Variants in CHST11 observed in about 807,000 individuals in gnomAD.
CHST11 encodes carbohydrate sulfotransferase 11, also known as C4S-1.
Under a neutral mutation model 30.4 loss-of-function variants are expected in CHST11, and 9 were observed. The ratio of observed to expected loss-of-function variants is 0.30; its 90% CI spans 0.18 to 0.52. CHST11 has a LOEUF of 0.52. CHST11 is among the 20% of genes least tolerant of loss of function. The probability of loss-of-function intolerance (pLI) is 0.97; values close to 1 mark genes in which losing one functional copy is unlikely to be tolerated. For missense variants in CHST11, 348 were observed against 460.6 expected (o/e 0.76, Z 2.24); for synonymous variants, 152 against 187.8 (o/e 0.81, Z 1.56).
chr12:104,522,279 C>T (rs1450416818), intron 1 of CHST11, among the ~76,000 whole-genome samples: 1 of 152,216 alleles, frequency 6.6e-6, no homozygotes. Context: ...CAGTATATCT[C>T]ACTGAGCCGT....
At chr12:104,514,251 G>A in intron 1 of CHST11, 1 of 864,368 alleles carries the variant, frequency 1.2e-6, no homozygotes, top group Non-Finnish European at 2.0e-6. Context: ...TGTTGGGGCA[G>A]CCACAGTTGG....
intron 1 of CHST11, among the ~76,000 whole-genome samples, chr12:104,516,515 G>A (rs970785329): frequency 4.6e-5 from 7 of 151,908 alleles, no homozygotes; most frequent in African/African-American, 1.5e-4. Context: ...CCACTTTTAG[G>A]CGTGGTTGGA....
chr12:104,556,709 G>A (rs2038459177), intron 1 of CHST11, among the ~76,000 whole-genome samples: 3 of 152,146 alleles, frequency 2.0e-5, no homozygotes, highest in South Asian at 2.1e-4. Flanking sequence ...GGCTGGGTGC[G>A]GTGGCTCACG....
At chr12:104,632,183 G>A (rs1226761114) in intron 2 of CHST11, among the ~76,000 whole-genome samples, 1 of 151,986 alleles carries the variant, frequency 6.6e-6, no homozygotes, top group Admixed American at 6.6e-5. Context: ...CCAGGGTTCC[G>A]TCTTCTGCCC....
intron 1 of CHST11, among the ~76,000 whole-genome samples, chr12:104,598,435 A>C (rs1566001882): frequency 6.6e-6 from 1 of 152,122 alleles, no homozygotes; most frequent in Non-Finnish European, 1.5e-5. Flanking sequence ...GGTTGTGTGG[A>C]AATTGTTTAT....
intron 1 of CHST11, among the ~76,000 whole-genome samples, chr12:104,529,538 G>A (rs1482201894): frequency 6.6e-6 from 1 of 152,176 alleles, no homozygotes; most frequent in Non-Finnish European, 1.5e-5. Flanking sequence ...CGTGATACAT[G>A]GTCAGGGTAG....
chr12:104,515,819 G>T (rs1037530676), intron 1 of CHST11, among the ~76,000 whole-genome samples: 4 of 152,320 alleles, frequency 2.6e-5, no homozygotes, highest in Admixed American at 6.5e-5. Flanking sequence ...TGGGGCTGGG[G>T]CAGCGGGGAG....
chr12:104,559,658 G>A (rs535819410), intron 1 of CHST11, among the ~76,000 whole-genome samples: 15 of 152,158 alleles, frequency 9.9e-5, no homozygotes, highest in African/African-American at 3.4e-4. Flanking sequence ...TGGGAGAATC[G>A]CTTGAACCTG....
At chr12:104,716,379 C>T (rs1282945789) in intron 2 of CHST11, among the ~76,000 whole-genome samples, 1 of 152,264 alleles carries the variant, frequency 6.6e-6, no homozygotes, top group African/African-American at 2.4e-5. Flanking sequence ...CTCATGCAAA[C>T]ACTCTATGCC....
intron 2 of CHST11, among the ~76,000 whole-genome samples, chr12:104,717,664 TC>T (rs1261654066): frequency 3.3e-5 from 5 of 152,028 alleles, no homozygotes; most frequent in African/African-American, 1.2e-4. Flanking sequence ...CCAGCTACTC[TC>T]GAGTCTGAGG....
intron 2 of CHST11, among the ~76,000 whole-genome samples, chr12:104,697,009 G>A (rs1299004402): frequency 6.6e-6 from 1 of 152,074 alleles, no homozygotes; most frequent in Non-Finnish European, 1.5e-5. Flanking sequence ...TTCTATTTAT[G>A]TATCTACCTA....
chr12:104,554,174 G>T (rs993286581), intron 1 of CHST11, among the ~76,000 whole-genome samples: 1 of 152,180 alleles, frequency 6.6e-6, no homozygotes, highest in African/African-American at 2.4e-5. Flanking sequence ...TTAGAAGCAA[G>T]TTAGGCTAGC....
At chr12:104,619,905 T>G (rs2039144740) in intron 2 of CHST11, among the ~76,000 whole-genome samples, 1 of 152,228 alleles carries the variant, frequency 6.6e-6, no homozygotes, top group Non-Finnish European at 1.5e-5. Flanking sequence ...GAGGAACTTG[T>G]AATCTTTGCG....
At chr12:104,709,449 C>T (rs2040065720) in intron 2 of CHST11, among the ~76,000 whole-genome samples, 2 of 152,178 alleles carry the variant, frequency 1.3e-5, no homozygotes. Flanking sequence ...ATAGTGATGC[C>T]CACCATTGCA....
intron 2 of CHST11, among the ~76,000 whole-genome samples, chr12:104,743,522 G>A (rs763511207): frequency 5.3e-5 from 8 of 152,126 alleles, no homozygotes; most frequent in South Asian, 2.1e-4. Context: ...GGGATGGTTC[G>A]GCTCACACCA....
intron 2 of CHST11, among the ~76,000 whole-genome samples, chr12:104,668,288 A>G (rs1223307158): frequency 6.6e-6 from 1 of 152,318 alleles, no homozygotes; most frequent in South Asian, 2.1e-4. Context: ...CGGTGAGCAC[A>G]TGATACATGT....
chr12:104,466,808 G>T (rs1457723877), intron 1 of CHST11, among the ~76,000 whole-genome samples: 1 of 152,070 alleles, frequency 6.6e-6, no homozygotes, highest in Non-Finnish European at 1.5e-5. Context: ...ACATATCTAG[G>T]ATAGGATCCT....
intron 2 of CHST11, among the ~76,000 whole-genome samples, chr12:104,721,702 A>G (rs1414491964): frequency 1.3e-5 from 2 of 152,216 alleles, no homozygotes; most frequent in Non-Finnish European, 2.9e-5. Context: ...CAAAGAGAAC[A>G]CAACCAGCAT....
chr12:104,579,839 A>C (rs999128876), intron 1 of CHST11, among the ~76,000 whole-genome samples: 14 of 152,228 alleles, frequency 9.2e-5, no homozygotes, highest in Admixed American at 6.5e-5. Flanking sequence ...TTGGAGATAA[A>C]AGCTAAATGT....
Sources: gnomAD v4.1 joint callset for allele counts (sites outside exome capture counted in the v4.1 genomes callset) on GRCh38, gnomAD v4.1.1 for gene constraint, MANE v1.5 for transcripts, NCBI Gene and HGNC (gene_info 2026-07-23, HGNC 2026-07-21) for gene names.